The following CACNA1G variants were observed in gnomAD, a reference collection of about 807,000 sequenced individuals.
CACNA1G encodes the protein voltage-dependent T-type calcium channel subunit alpha-1G.
A neutral mutation model predicts 219.4 loss-of-function variants in CACNA1G; 67 were observed. The observed-to-expected ratio is 0.31, with a 90% CI of 0.25 to 0.37. The LOEUF is 0.37. CACNA1G is among the 10% of genes least tolerant of loss of function. The pLI is 1.00. For synonymous variants in CACNA1G, 1,296 were observed against 1,345.3 expected (o/e 0.96, Z 0.80); for missense variants, 2,380 against 3,231.4 (o/e 0.74, Z 6.39).
chr17:50,561,139 G>A lies in CACNA1G; in HGVS notation c.-321G>A. 1 of 488,202 alleles carries A rather than the reference G, an allele frequency of 2.0e-6. No homozygotes were observed. Among genetic ancestry groups the A allele is most frequent in the South Asian group, 1.7e-5 (1 of 59,804 alleles). The allele number at this position is 488,202 out of a possible 1,614,324, so 30.2% of individuals were successfully genotyped here. ...CTTCGCCGAAGGTAGCGCCGAATCC[G>A]GCAACCGGAGCCTGGGCGCGAAGCG... is the stretch of plus-strand genomic sequence containing the variant. On this transcript the variant is annotated 5_prime_UTR_variant, in exon 1 of 38. Coordinates refer to ENST00000359106, the MANE Select transcript of CACNA1G (RefSeq NM_018896.5).
chr17:50,609,691 A>G lies in CACNA1G; in HGVS notation c.4706-191A>G, dbSNP rs1189142221. On this transcript the variant is annotated intron_variant, in intron 25 of 37. Transcript: ENST00000359106. ...CCCGTGACCCTGACCAGCTAGCCAC[A>G]TTGCTTGTCTTCCTCAAGTGCCCTG... is the stretch of plus-strand genomic sequence containing the variant. Among the ~76,000 whole-genome samples, 3 of 152,066 alleles carry G rather than the reference A, an allele frequency of 2.0e-5. No homozygotes were observed. In the East Asian group the frequency reaches 5.8e-4, roughly 29 times the overall value.
At chr17:50,612,002 C>T (rs904290751) in intron 26 of CACNA1G, among the ~76,000 whole-genome samples, 11 of 152,202 alleles carry the variant, frequency 7.2e-5, no homozygotes, top group African/African-American at 2.4e-4. Context: ...ACTCAGAGAC[C>T]CCGAACAAGG....
chr17:50,600,780 C>G lies in CACNA1G; in HGVS notation c.3745C>G (p.Leu1249Val). Reference protein sequence around the residue: ...WIRARLPACCLERDSWSAYIF... With the variant: ...WIRARLPACCVERDSWSAYIF... Reference sequence around the variant, plus strand: ...CCGAGCCCGACTCCCTGCCTGCTGCCTCGAGCGAGACTCCTGGTCAGCCTA... The same window carrying G: ...CCGAGCCCGACTCCCTGCCTGCTGCGTCGAGCGAGACTCCTGGTCAGCCTA... The change falls in exon 18 of 38, where the codon CTC becomes GTC. Residue 1249 changes from leucine to valine, a missense_variant. Physicochemically the swap from Leu to Val is conservative, Grantham distance 32 (BLOSUM62 1). Coordinates refer to ENST00000359106, the MANE Select transcript of CACNA1G (RefSeq NM_018896.5). The surrounding 1 kb of genome is among the most constrained non-coding windows in gnomAD (Gnocchi z 4.1). The G allele has an allele frequency of 1.2e-6, 2 of 1,613,894 alleles. No homozygotes were observed. Among genetic ancestry groups the G allele is most frequent in the Non-Finnish European group, 1.7e-6 (2 of 1,179,846 alleles).
Position 50,572,646 on chromosome 17 carries a change from G to A in CACNA1G, c.839G>A (p.Arg280Gln), listed in dbSNP as rs771304130. 10 of 1,603,920 alleles carry A rather than the reference G, an allele frequency of 6.2e-6. No homozygotes were observed. Among genetic ancestry groups the A allele is most frequent in the East Asian group, 4.5e-5 (2 of 44,282 alleles). ...ICSQPRENGM[R>Q]SCRSVPTLRG... ...TCCCAGCCACGCGAGAACGGCATGC[G>A]GTCCTGCAGAAGCGTGCCCACGCTG... The change falls in exon 6 of 38, where the codon CGG becomes CAG. Residue 280 changes from arginine to glutamine, a missense_variant. By Grantham distance (43) the Arg-to-Gln change is conservative. Transcript: ENST00000359106.
rs772890209 is a variant in CACNA1G, at chr17:50,578,191, C to A, written c.1928C>A (p.Ala643Asp). The A allele has an allele frequency of 6.4e-7, 1 of 1,566,860 alleles. No individual in the cohort carries two copies. The highest frequency in any genetic ancestry group is 8.7e-7 in the Non-Finnish European group (1 of 1,155,118). ...HKLLETQSTG[A>D]CQSSCKISSP... ...CACCTCTACTCTCCTGTTCCAGGTG[C>A]CTGCCAAAGCTCTTGCAAGATCTCC... Residue 643 changes from alanine to aspartate, a missense_variant, in exon 9 of 38, where the codon GCC becomes GAC. Physicochemically the swap from Ala to Asp is moderately radical, Grantham distance 126. Coordinates refer to ENST00000359106, the MANE Select transcript of CACNA1G (RefSeq NM_018896.5). This position sits in a 1 kb window ranked among gnomAD's most constrained non-coding sequence, Gnocchi z 4.5.
chr17:50,625,939 G>A (rs2053687329), intron 37 of CACNA1G, 78 bp from the exon 38 acceptor site: 2 of 1,484,256 alleles, frequency 1.3e-6, no homozygotes, highest in African/African-American at 1.4e-5. Context: ...TGGGCAGGGG[G>A]CACAGCCAGC....
chr17:50,589,156 C>G (rs1169659319), intron 9 of CACNA1G, among the ~76,000 whole-genome samples: 1 of 152,178 alleles, frequency 6.6e-6, no homozygotes, highest in African/African-American at 2.4e-5. Flanking sequence ...TTGAGCCAAC[C>G]ATATCTCTTC....
At chr17:50,624,857 T>A (rs1440282295) in intron 37 of CACNA1G, among the ~76,000 whole-genome samples, 1 of 151,844 alleles carries the variant, frequency 6.6e-6, no homozygotes, top group Non-Finnish European at 1.5e-5. Context: ...GCCTCCCAAT[T>A]CTTCTCCCCA....
At position 50,596,966 on chromosome 17, in the gene CACNA1G, AAGG is replaced by A. The variant is rs1266033542; in HGVS notation, c.3258+48_3258+50del. On this transcript the variant is annotated intron_variant, in intron 16 of 37. Transcript: ENST00000359106. The surrounding 1 kb of genome is among the most constrained non-coding windows in gnomAD (Gnocchi z 4.8). ...GTACCCTGATGGTGGGAGATATTCCAAGGAGGACAGGAGGAAGAGAGGATGGAG... is the reference window on the plus strand; with the variant it reads ...GTACCCTGATGGTGGGAGATATTCCAAGGACAGGAGGAAGAGAGGATGGAG... 5 of 1,468,412 alleles carry A rather than the reference AAGG, an allele frequency of 3.4e-6. No individual in the cohort carries two copies. Among genetic ancestry groups the A allele is most frequent in the Admixed American group, 4.5e-5 (2 of 44,152 alleles). The allele number at this position is 1,468,412 out of a possible 1,614,324, so 91.0% of individuals were successfully genotyped here.
At chr17:50,562,962 C>T (rs1224744091) in intron 1 of CACNA1G, among the ~76,000 whole-genome samples, 1 of 152,192 alleles carries the variant, frequency 6.6e-6, no homozygotes, top group Non-Finnish European at 1.5e-5. Flanking sequence ...GGAGGTGTTG[C>T]TGCCATCTCA....
At chr17:50,623,726 C>T (rs1022157926) in intron 35 of CACNA1G, among the ~76,000 whole-genome samples, 181 bp from the exon 36 acceptor site, 1 of 152,184 alleles carries the variant, frequency 6.6e-6, no homozygotes, top group Admixed American at 6.5e-5. Context: ...GTGTGGAGGG[C>T]TCATCCATGT....
rs759734091 is a variant in CACNA1G, at chr17:50,596,723, CG to C, written c.3065-6del. 1.9e-6 allele frequency: 3 copies of C among 1,613,308 alleles called. No homozygotes were observed. The highest frequency in any genetic ancestry group is 1.1e-5 in the South Asian group (1 of 91,030). Reference sequence around the variant, plus strand: ...GACTCGGGATCTCTCCCTCTCTCCCCGTGCAGTGGTGTCCCTGGGAGAGCAC... The same window carrying C: ...GACTCGGGATCTCTCCCTCTCTCCCCTGCAGTGGTGTCCCTGGGAGAGCAC... On this transcript the variant is annotated splice_region_variant and splice_polypyrimidine_tract_variant and intron_variant, in intron 15 of 37. Coordinates refer to ENST00000359106, the MANE Select transcript of CACNA1G (RefSeq NM_018896.5). This position sits in a 1 kb window ranked among gnomAD's most constrained non-coding sequence, Gnocchi z 4.8.
Position 50,578,216 on chromosome 17 carries a change from C to T in CACNA1G, c.1953C>T (p.Ser651=), listed in dbSNP as rs58348936. ...TGACQSSCKI[S]SPCLKADSGA... ...CCTGCCAAAGCTCTTGCAAGATCTCCAGCCCTTGCTTGAAAGCAGACAGTG... is the reference window on the plus strand; with the variant it reads ...CCTGCCAAAGCTCTTGCAAGATCTCTAGCCCTTGCTTGAAAGCAGACAGTG... Residue 651 remains serine, a synonymous_variant, in exon 9 of 38, where the codon TCC becomes TCT. Transcript: ENST00000359106. This position sits in a 1 kb window ranked among gnomAD's most constrained non-coding sequence, Gnocchi z 4.5. 1.1e-3 allele frequency: 1,745 copies of T among 1,596,630 alleles called. 18 individuals carry two copies. The African/African-American group carries it at 0.019, about 17-fold the overall frequency.
At position 50,624,009 on chromosome 17, in the gene CACNA1G, C is replaced by T. The variant is rs376936316; in HGVS notation, c.6163C>T (p.Arg2055Trp). Residue 2055 changes from arginine (R) to tryptophan (W), a missense_variant, in exon 36 of 38, where the codon CGG becomes TGG. Arg to Trp is a moderately radical substitution (Grantham distance 101, BLOSUM62 -3). Coordinates refer to ENST00000359106, the MANE Select transcript of CACNA1G (RefSeq NM_018896.5). ...HSLPNDSYMC[R>W]HGSTAEGPLG... ...TCTGCCCAATGACAGCTACATGTGTCGGCATGGGAGCACTGCCGAGGGGCC... is the reference window on the plus strand; with the variant it reads ...TCTGCCCAATGACAGCTACATGTGTTGGCATGGGAGCACTGCCGAGGGGCC... The T allele has an allele frequency of 2.4e-5, 39 of 1,612,968 alleles. No individual in the cohort carries two copies. In the Middle Eastern group the frequency reaches 4.9e-4, roughly 20 times the overall value.
Position 50,600,473 on chromosome 17 carries a change from G to A in CACNA1G, c.3691-253G>A, listed in dbSNP as rs1358188720. Among the ~76,000 whole-genome samples, 9 of 151,984 alleles carry A rather than the reference G, an allele frequency of 5.9e-5. No homozygotes were observed. In the East Asian group the frequency reaches 1.7e-3, roughly 29 times the overall value. On this transcript the variant is annotated intron_variant, in intron 17 of 37. Transcript: ENST00000359106. The surrounding 1 kb of genome is among the most constrained non-coding windows in gnomAD (Gnocchi z 4.1). ...GCAGGGGTGGGGAGAGGGGAGAGCG[G>A]GGTTGGGGATGCAGGGGAGGAGAGG...
chr17:50,623,620 A>C (rs1368636620), intron 35 of CACNA1G, among the ~76,000 whole-genome samples: 2 of 151,702 alleles, frequency 1.3e-5, no homozygotes, highest in Admixed American at 6.6e-5. Flanking sequence ...GGGAGCTTAA[A>C]GGTGATACAA....
At chr17:50,601,294 C>T in intron 19 of CACNA1G, 120 bp downstream of exon 19, 1 of 1,217,392 alleles carries the variant, frequency 8.2e-7, no homozygotes, top group Non-Finnish European at 1.1e-6. Flanking sequence ...AACGAGGGGG[C>T]CAGGACTCTC....
intron 7 of CACNA1G, among the ~76,000 whole-genome samples, chr17:50,573,881 T>C (rs2040012602): frequency 6.6e-6 from 1 of 152,236 alleles, no homozygotes; most frequent in South Asian, 2.1e-4. Flanking sequence ...CAGCCCCTGA[T>C]CTAAGCACTT....
Position 50,596,627 on chromosome 17 carries a change from C to T in CACNA1G, c.3045C>T (p.Asp1015=), listed in dbSNP as rs1244641420. 6.2e-7 allele frequency: 1 copy of T among 1,613,816 alleles called. No homozygotes were observed. The highest frequency in any genetic ancestry group is 8.5e-7 in the Non-Finnish European group (1 of 1,179,848). Residue 1015 remains aspartate (D), a synonymous_variant, in exon 15 of 38, where the codon GAC becomes GAT. Transcript: ENST00000359106. The surrounding 1 kb of genome is among the most constrained non-coding windows in gnomAD (Gnocchi z 4.8). ...CACCCAGCCTGGATGGTGATGGGGA[C>T]AGGAAGAAGTGCTTGGCCTGTGAGT... The part of the protein sequence containing the change: ...FFSPSLDGDG[D]RKKCLALVSL...
Sources: allele counts gnomAD v4.1 joint callset (sites outside exome capture counted in the v4.1 genomes callset), GRCh38; gene constraint gnomAD v4.1.1; non-coding constraint Gnocchi (gnomAD v3.1); transcripts MANE v1.5; gene names NCBI Gene and HGNC (gene_info 2026-07-23, HGNC 2026-07-21).